Variants in GOLGA4 observed in about 807,000 individuals in gnomAD.
The protein encoded by GOLGA4 is golgin subfamily A member 4.
GOLGA4 carries 169 observed loss-of-function variants against 265.9 expected under a neutral mutation model. That is an observed-to-expected ratio of 0.64 (90% CI 0.56 to 0.72). The LOEUF (loss-of-function observed/expected upper bound fraction) is 0.72. GOLGA4 is among the 30% of genes least tolerant of loss of function. The pLI, the probability that GOLGA4 is intolerant of heterozygous loss-of-function variation, is 0.00. For missense variants in GOLGA4, 2,482 were observed against 2,483.4 expected (o/e 1.00, Z 0.01); for synonymous variants, 923 against 855.8 (o/e 1.08, Z -1.37).
intron 23 of GOLGA4, among the ~76,000 whole-genome samples, chr3:37,364,966 G>A (rs1183617781): frequency 6.6e-6 from 1 of 152,036 alleles, no homozygotes; most frequent in Non-Finnish European, 1.5e-5. Context: ...GGTACAGTCA[G>A]CTCACTGCAG....
chr3:37,319,286 A>C (rs1262945888), intron 12 of GOLGA4, 92 bp downstream of exon 12: 1 of 1,004,146 alleles, frequency 1.0e-6, no homozygotes, highest in East Asian at 2.5e-5. Context: ...GTTGGAAGTC[A>C]GACTACTGGC....
In GOLGA4 at chr3:37,329,197, G is replaced by C. The variant is rs950243375; in HGVS notation, c.6192+104G>C. On this transcript the variant is annotated intron_variant, in intron 16 of 23. Coordinates refer to ENST00000361924, the MANE Select transcript of GOLGA4 (RefSeq NM_002078.5). ...TCAAATGTGTTTTTTGAACGAAAAGGGTTTTTTTTTTTGACTCAATATTAT... is the reference window on the plus strand; with the variant it reads ...TCAAATGTGTTTTTTGAACGAAAAGCGTTTTTTTTTTTGACTCAATATTAT... 14 of 965,810 alleles carry C rather than the reference G, an allele frequency of 1.4e-5. No homozygotes were observed. The South Asian group carries it at 1.5e-4, about 10-fold the overall frequency. The allele number at this position is 965,810 out of a possible 1,614,324, so 59.8% of individuals were successfully genotyped here. A position where few individuals can be genotyped will look rare whatever the true frequency, so the allele number is the denominator to read the frequency against.
intron 10 of GOLGA4, among the ~76,000 whole-genome samples, chr3:37,302,985 TTG>T (rs1482227374): frequency 6.6e-6 from 1 of 152,186 alleles, no homozygotes; most frequent in Non-Finnish European, 1.5e-5. Context: ...GATGTGAGTT[TTG>T]AATTGGACCT....
intron 4 of GOLGA4, 73 bp downstream of exon 4, chr3:37,286,134 C>CTTTTTTTTTTTTTTTTTT (rs1559383108): frequency 1.4e-5 from 2 of 145,648 alleles, no homozygotes; most frequent in Non-Finnish European, 1.3e-5. Flanking sequence ...TAAGATATTT[C>CTTTTTTTTTTTTTTTTTT]TTTCTTTTTT....
intron 6 of GOLGA4, among the ~76,000 whole-genome samples, chr3:37,295,472 G>A (rs1361759226): frequency 2.6e-5 from 4 of 152,182 alleles, no homozygotes; most frequent in Admixed American, 6.5e-5. Context: ...TTCCGCCTTG[G>A]CCTCCCAAAG....
At chr3:37,257,656 G>C (rs544281718) in intron 2 of GOLGA4, among the ~76,000 whole-genome samples, 29 of 151,648 alleles carry the variant, frequency 1.9e-4, no homozygotes, top group African/African-American at 6.8e-4. Flanking sequence ...ATGTGGATTA[G>C]GGTCCTAGGG....
At chr3:37,245,235 ATTT>A (rs1051141044) in intron 1 of GOLGA4, 2 of 152,664 alleles carry the variant, frequency 1.3e-5, no homozygotes, top group African/African-American at 4.8e-5. Context: ...TTTGCTTAGT[ATTT>A]ACACAGATTA....
At position 37,335,003 on chromosome 3, in the gene GOLGA4, A is replaced by G. The variant is rs768784215; in HGVS notation, c.6193-50A>G. 1.2e-5 allele frequency: 14 copies of G among 1,140,720 alleles called. No homozygotes were observed. In the East Asian group the frequency reaches 3.3e-4, roughly 27 times the overall value. 70.7% of individuals were successfully genotyped at this position (1,140,720 alleles called of 1,614,324 possible). A position where few individuals can be genotyped will look rare whatever the true frequency, so the allele number is the denominator to read the frequency against. On this transcript the variant is annotated intron_variant, in intron 16 of 23. Coordinates refer to ENST00000361924, the MANE Select transcript of GOLGA4 (RefSeq NM_002078.5). ...GCTTTTTTGATGTGTTTGTTTACTA[A>G]TGCTTCTTTTTTTTCTTTTCCTTTT...
chr3:37,345,713 C>T (rs757343791), intron 20 of GOLGA4, among the ~76,000 whole-genome samples: 3 of 152,106 alleles, frequency 2.0e-5, no homozygotes, highest in African/African-American at 4.8e-5. Context: ...CTTTGGGAGG[C>T]CAAGGCAGGC....
intron 20 of GOLGA4, among the ~76,000 whole-genome samples, chr3:37,341,022 C>G (rs1042886017): frequency 1.3e-5 from 2 of 151,976 alleles, no homozygotes; most frequent in African/African-American, 4.8e-5. Context: ...AAAACATTAT[C>G]TGGGCATGGT....
intron 2 of GOLGA4, chr3:37,276,676 A>G (rs2096820301): frequency 7.7e-7 from 1 of 1,306,190 alleles, no homozygotes; most frequent in Non-Finnish European, 1.1e-6. Flanking sequence ...CCAAGCAACT[A>G]GTTTTCCTGC....
chr3:37,364,853 A>G (rs896810107), intron 23 of GOLGA4, among the ~76,000 whole-genome samples: 1 of 151,578 alleles, frequency 6.6e-6, no homozygotes, highest in African/African-American at 2.4e-5. Context: ...TGGTCTCCCA[A>G]AAGTGCTGGG....
chr3:37,303,213 A>G (rs565653691), intron 10 of GOLGA4, among the ~76,000 whole-genome samples: 6 of 152,356 alleles, frequency 3.9e-5, no homozygotes, highest in African/African-American at 1.2e-4. Context: ...ATACAGAGTA[A>G]CAGGAAACCA....
At chr3:37,282,328 C>G in intron 3 of GOLGA4, 56 bp downstream of exon 3, 4 of 1,253,228 alleles carry the variant, frequency 3.2e-6, no homozygotes, top group East Asian at 2.3e-5. Flanking sequence ...TTCTCTCATT[C>G]ATATTACTGT....
At chr3:37,297,724 T>C (rs941716833) in intron 7 of GOLGA4, among the ~76,000 whole-genome samples, 9 of 152,028 alleles carry the variant, frequency 5.9e-5, no homozygotes, top group African/African-American at 2.2e-4. Context: ...TAGCAGAATA[T>C]TGGTGTAAGA....
intron 5 of GOLGA4, among the ~76,000 whole-genome samples, chr3:37,291,391 C>T (rs985948298): frequency 4.6e-5 from 7 of 152,126 alleles, no homozygotes; most frequent in Admixed American, 4.6e-4. Flanking sequence ...GATGAGTAAG[C>T]ACCCATGTGA....
chr3:37,321,932 C>T, intron 13 of GOLGA4, 46 bp downstream of exon 13: 1 of 1,495,030 alleles, frequency 6.7e-7, no homozygotes, highest in East Asian at 2.3e-5. Context: ...AAATTATTTG[C>T]ATATGAAAAT....
At chr3:37,277,618 T>G (rs1197396337) in intron 2 of GOLGA4, among the ~76,000 whole-genome samples, 2 of 152,252 alleles carry the variant, frequency 1.3e-5, no homozygotes. Context: ...TGACTTTTTC[T>G]GTCAATGAGT....
At chr3:37,273,521 C>A (rs1167383941) in intron 2 of GOLGA4, 1 of 1,440,218 alleles carries the variant, frequency 6.9e-7, no homozygotes, top group Non-Finnish European at 9.4e-7. Context: ...TACAATGTTT[C>A]TTTCTTTTTC....
Sources: gnomAD v4.1 joint callset for allele counts (sites outside exome capture counted in the v4.1 genomes callset) on GRCh38, gnomAD v4.1.1 for gene constraint, MANE v1.5 for transcripts, NCBI Gene and HGNC (gene_info 2026-07-23, HGNC 2026-07-21) for gene names.